The following TLK1 variants were observed in gnomAD, a reference collection of about 807,000 sequenced individuals.
TLK1 encodes the protein serine/threonine-protein kinase tousled-like 1.
Under a neutral mutation model 105.3 loss-of-function variants are expected in TLK1, and 24 were observed. The ratio of observed to expected loss-of-function variants is 0.23; its 90% CI spans 0.17 to 0.32. The LOEUF is 0.32. TLK1 is among the 10% of genes least tolerant of loss of function. The pLI is 1.00. For synonymous variants in TLK1, 321 were observed against 310.4 expected, an observed-to-expected ratio of 1.03 and a Z score of -0.36; for missense variants, 558 against 910.5, an observed-to-expected ratio of 0.61 and a Z score of 4.98.
intron 3 of TLK1, chr2:171,081,736 G>C (rs907971570): frequency 5.4e-6 from 7 of 1,299,902 alleles, no homozygotes; most frequent in East Asian, 5.5e-5. Flanking sequence ...TGATGAGTGA[G>C]AGCCCTATGC....
At chr2:171,001,261 G>A (rs991760450) in intron 18 of TLK1, among the ~76,000 whole-genome samples, 2 of 152,094 alleles carry the variant, frequency 1.3e-5, no homozygotes, top group African/African-American at 4.8e-5. Context: ...TTTCCATAGA[G>A]TATCATGTGT....
chr2:171,227,225 A>C (rs1314775642), intron 1 of TLK1, among the ~76,000 whole-genome samples: 1 of 152,152 alleles, frequency 6.6e-6, no homozygotes, highest in Non-Finnish European at 1.5e-5. Context: ...AATGATAAAT[A>C]CATGACCCAG....
intron 1 of TLK1, among the ~76,000 whole-genome samples, chr2:171,143,248 T>C (rs1341693017): frequency 1.3e-5 from 2 of 152,090 alleles, no homozygotes; most frequent in African/African-American, 4.8e-5. Context: ...CTCAGTTTCA[T>C]CAAAAGATAC....
intron 1 of TLK1, among the ~76,000 whole-genome samples, chr2:171,183,886 A>C (rs1692972832): frequency 6.6e-6 from 1 of 152,200 alleles, no homozygotes; most frequent in Non-Finnish European, 1.5e-5. Context: ...AGTAGGCAGA[A>C]TAATGGCTCC....
In TLK1 at chr2:171,049,718, G is replaced by A. The variant is rs989592726; in HGVS notation, c.980+96C>T. 19 of 1,436,126 alleles carry A rather than the reference G, an allele frequency of 1.3e-5. 1 individual carries two copies. Among genetic ancestry groups the A allele is most frequent in the Admixed American group, 7.9e-5 (4 of 50,522 alleles). The allele number at this position is 1,436,126 out of a possible 1,614,324, so 89.0% of individuals were successfully genotyped here. On this transcript the variant is annotated intron_variant, in intron 10 of 20. Coordinates refer to ENST00000431350, the MANE Select transcript of TLK1 (RefSeq NM_012290.5). ...CTAAATTCTATGATTTCAGAGTAGC[G>A]AGGAACTGGAGAGCATAATTACAAA...
chr2:171,128,436 T>C (rs1397628320), intron 1 of TLK1, among the ~76,000 whole-genome samples: 1 of 152,144 alleles, frequency 6.6e-6, no homozygotes. Context: ...TAAAGTAAAA[T>C]AAGTTTCTAT....
At chr2:171,087,527 G>A (rs1283186058) in intron 2 of TLK1, among the ~76,000 whole-genome samples, 1 of 151,952 alleles carries the variant, frequency 6.6e-6, no homozygotes, top group Non-Finnish European at 1.5e-5. Context: ...CATAAAATGA[G>A]AAAAATATGC....
At chr2:171,071,340 T>C (rs189288619) in intron 3 of TLK1, among the ~76,000 whole-genome samples, 2 of 151,878 alleles carry the variant, frequency 1.3e-5, no homozygotes, top group Non-Finnish European at 2.9e-5. Context: ...CAGGCTGGAG[T>C]GCAGTGGCGT....
intron 2 of TLK1, among the ~76,000 whole-genome samples, chr2:171,108,024 T>A (rs560565576): frequency 6.8e-5 from 10 of 147,778 alleles, no homozygotes; most frequent in Non-Finnish European, 1.5e-4. Flanking sequence ...GTCACCGTAC[T>A]CCAGCCTGGG....
At chr2:171,047,285 T>C (rs1687007613) in intron 10 of TLK1, among the ~76,000 whole-genome samples, 1 of 152,168 alleles carries the variant, frequency 6.6e-6, no homozygotes, top group Non-Finnish European at 1.5e-5. Flanking sequence ...TACAACACCT[T>C]AAGCTTATTC....
At chr2:171,106,323 A>C (rs13402107) in intron 2 of TLK1, among the ~76,000 whole-genome samples, 1 of 151,998 alleles carries the variant, frequency 6.6e-6, no homozygotes, top group African/African-American at 2.4e-5. Flanking sequence ...TCTTCAAATA[A>C]CTGGAAGAGC....
chr2:171,102,595 C>A (rs1575597071), intron 2 of TLK1, among the ~76,000 whole-genome samples: 1 of 152,084 alleles, frequency 6.6e-6, no homozygotes, highest in Non-Finnish European at 1.5e-5. Flanking sequence ...TATTTAAAAT[C>A]CCTCATTCTA....
chr2:171,007,120 A>T, intron 14 of TLK1, 57 bp from the exon 15 acceptor site: 1 of 1,429,074 alleles, frequency 7.0e-7, no homozygotes, highest in Admixed American at 2.3e-5. Flanking sequence ...AGCTGAAGAG[A>T]TGTTTTTTAT....
At chr2:171,094,391 A>G (rs1689368223) in intron 2 of TLK1, among the ~76,000 whole-genome samples, 1 of 152,156 alleles carries the variant, frequency 6.6e-6, no homozygotes, top group Non-Finnish European at 1.5e-5. Context: ...GGGAGGAAAC[A>G]AATTAAGAAA....
At chr2:171,138,687 A>C (rs138085032) in intron 1 of TLK1, among the ~76,000 whole-genome samples, 1 of 152,346 alleles carries the variant, frequency 6.6e-6, no homozygotes, top group East Asian at 1.9e-4. Context: ...AGAAACAGTA[A>C]TAAACACGTG....
At chr2:171,158,305 ACT>A (rs1480887981) in intron 1 of TLK1, among the ~76,000 whole-genome samples, 1 of 152,176 alleles carries the variant, frequency 6.6e-6, no homozygotes, top group East Asian at 1.9e-4. Context: ...ATTAACAGAA[ACT>A]CACTACTTTA....
chr2:171,194,633 C>T (rs112645006), intron 1 of TLK1, among the ~76,000 whole-genome samples: 17,034 of 151,500 alleles, frequency 0.11, 1,445 homozygotes, highest in African/African-American at 0.24. Flanking sequence ...CTGGCTAACA[C>T]GGTGAAACTC....
At chr2:171,059,095 AAAC>A (rs1163365961) in intron 4 of TLK1, among the ~76,000 whole-genome samples, 2 of 152,324 alleles carry the variant, frequency 1.3e-5, no homozygotes, top group South Asian at 2.1e-4. Context: ...TTTAAAAACT[AAAC>A]AAGTATTCAG....
chr2:171,117,774 T>A lies in TLK1; in HGVS notation c.223A>T (p.Thr75Ser). The A allele has an allele frequency of 3.1e-6, 5 of 1,614,028 alleles. No individual in the cohort carries two copies. Among genetic ancestry groups the A allele is most frequent in the Non-Finnish European group, 4.2e-6 (5 of 1,179,976 alleles). ...ARFTGVASGS[T>S]GSTGSCSVGA... ...ACACTGCAACTGCCCGTACTTCCAG[T>A]GCTCCCACTTGCAACTCCAGTAAAT... is the stretch of plus-strand genomic sequence containing the variant. The change falls in exon 2 of 21, where the codon ACT (threonine) becomes TCT (serine). Residue 75 changes from threonine (T) to serine (S), a missense_variant. Thr to Ser is a moderately conservative substitution (Grantham distance 58). Coordinates refer to ENST00000431350, the MANE Select transcript of TLK1 (RefSeq NM_012290.5).
Sources: gnomAD v4.1 joint callset for allele counts (sites outside exome capture counted in the v4.1 genomes callset) on GRCh38, gnomAD v4.1.1 for gene constraint, MANE v1.5 for transcripts, NCBI Gene and HGNC (gene_info 2026-07-23, HGNC 2026-07-21) for gene names.